Variants in DNAJC1 observed in about 807,000 individuals in gnomAD.
DNAJC1 encodes the protein dnaJ homolog subfamily C member 1.
Under a neutral mutation model 76.6 loss-of-function variants are expected in DNAJC1, and 58 were observed. The observed-to-expected ratio is 0.76, with a 90% CI of 0.61 to 0.94. DNAJC1 has a LOEUF of 0.94. Ranked by LOEUF, DNAJC1 falls within the 40% of genes least tolerant of loss-of-function variation. The probability of loss-of-function intolerance (pLI) is 0.00; values close to 1 mark genes in which losing one functional copy is unlikely to be tolerated. For missense variants in DNAJC1, 689 were observed against 677.3 expected, an observed-to-expected ratio of 1.02 and a Z score of -0.19; for synonymous variants, 258 against 267.9, an observed-to-expected ratio of 0.96 and a Z score of 0.36.
At chr10:21,974,897 T>C (rs1838037742) in intron 1 of DNAJC1, among the ~76,000 whole-genome samples, 1 of 152,132 alleles carries the variant, frequency 6.6e-6, no homozygotes, top group Admixed American at 6.6e-5. Flanking sequence ...GTAATATGTA[T>C]ACATCTTAAA....
intron 1 of DNAJC1, among the ~76,000 whole-genome samples, chr10:21,986,940 G>A (rs1838257529): frequency 6.6e-6 from 1 of 151,930 alleles, no homozygotes; most frequent in African/African-American, 2.4e-5. Flanking sequence ...ACAATTTTTT[G>A]TATTTTTAGT....
At chr10:21,835,883 C>A (rs538666418) in intron 8 of DNAJC1, among the ~76,000 whole-genome samples, 1 of 152,288 alleles carries the variant, frequency 6.6e-6, no homozygotes, top group East Asian at 1.9e-4. Context: ...GAGAATGGAA[C>A]CAAGTTGGAA....
At chr10:21,875,489 A>C (rs1458259799) in intron 8 of DNAJC1, among the ~76,000 whole-genome samples, 2 of 152,234 alleles carry the variant, frequency 1.3e-5, no homozygotes, top group African/African-American at 4.8e-5. Flanking sequence ...TGATGAAATA[A>C]AGATTTTCAG....
At chr10:21,842,991 T>A (rs570235450) in intron 8 of DNAJC1, among the ~76,000 whole-genome samples, 1 of 152,218 alleles carries the variant, frequency 6.6e-6, no homozygotes, top group Non-Finnish European at 1.5e-5. Flanking sequence ...GTTGAATAAA[T>A]AAAAAGCAGC....
intron 6 of DNAJC1, among the ~76,000 whole-genome samples, chr10:21,914,005 T>G (rs994721415): frequency 6.6e-6 from 1 of 152,188 alleles, no homozygotes; most frequent in Non-Finnish European, 1.5e-5. Flanking sequence ...CTCTCATCTC[T>G]CTAAACACAC....
chr10:21,813,933 C>T (rs1835032753), intron 8 of DNAJC1, among the ~76,000 whole-genome samples: 1 of 152,178 alleles, frequency 6.6e-6, no homozygotes, highest in Non-Finnish European at 1.5e-5. Flanking sequence ...ATAAACTGCC[C>T]TTTGTCTCTG....
At chr10:21,956,361 A>C (rs1448331514) in intron 1 of DNAJC1, among the ~76,000 whole-genome samples, 1 of 152,166 alleles carries the variant, frequency 6.6e-6, no homozygotes, top group African/African-American at 2.4e-5. Flanking sequence ...TTTCCAACAC[A>C]TAAACTTTCG....
chr10:21,826,792 G>C (rs951245551), intron 8 of DNAJC1, among the ~76,000 whole-genome samples: 7 of 152,116 alleles, frequency 4.6e-5, no homozygotes, highest in Non-Finnish European at 1.5e-5. Context: ...TGGTAGCCTT[G>C]TTGAACATGT....
intron 9 of DNAJC1, chr10:21,803,751 G>A: frequency 9.0e-6 from 7 of 776,148 alleles, no homozygotes; most frequent in Non-Finnish European, 1.1e-5. Flanking sequence ...TATATATATT[G>A]ACATAGAAGA....
At chr10:21,876,003 G>C (rs986359520) in intron 8 of DNAJC1, among the ~76,000 whole-genome samples, 3 of 151,738 alleles carry the variant, frequency 2.0e-5, no homozygotes, top group African/African-American at 7.3e-5. Flanking sequence ...ATTAGAAAGT[G>C]AAATTTGAGA....
chr10:21,810,729 C>T (rs1420999024), intron 8 of DNAJC1, among the ~76,000 whole-genome samples: 1 of 152,110 alleles, frequency 6.6e-6, no homozygotes, highest in Non-Finnish European at 1.5e-5. Context: ...ACTGCCTGTC[C>T]ATTTAACAGC....
chr10:21,956,817 A>G (rs918772356), intron 1 of DNAJC1, among the ~76,000 whole-genome samples: 2 of 87,606 alleles, frequency 2.3e-5, no homozygotes. Flanking sequence ...CAGTTTATAC[A>G]TAACACACAC....
intron 9 of DNAJC1, among the ~76,000 whole-genome samples, chr10:21,774,719 C>G (rs925231354): frequency 2.0e-5 from 3 of 152,154 alleles, no homozygotes; most frequent in Non-Finnish European, 4.4e-5. Flanking sequence ...CCTCGTGATC[C>G]GCCTGCCTCA....
chr10:21,815,021 G>C (rs1326550817), intron 8 of DNAJC1, among the ~76,000 whole-genome samples: 1 of 152,130 alleles, frequency 6.6e-6, no homozygotes, highest in Admixed American at 6.6e-5. Context: ...CAGGCAGAGG[G>C]GCAAACTCCA....
intron 8 of DNAJC1, among the ~76,000 whole-genome samples, chr10:21,850,479 G>A (rs1224532458): frequency 6.6e-6 from 1 of 151,150 alleles, no homozygotes. Flanking sequence ...AGAAATAAAT[G>A]GAACGACATC....
intron 8 of DNAJC1, among the ~76,000 whole-genome samples, chr10:21,852,252 T>G (rs1172076151): frequency 1.3e-5 from 2 of 151,932 alleles, no homozygotes; most frequent in African/African-American, 4.8e-5. Context: ...TTCCTTTAAA[T>G]GAAATATTCA....
chr10:21,985,257 T>G (rs1292229554), intron 1 of DNAJC1, among the ~76,000 whole-genome samples: 1 of 151,516 alleles, frequency 6.6e-6, no homozygotes, highest in Non-Finnish European at 1.5e-5. Flanking sequence ...GCTTTTTTTT[T>G]TTTTTTTTTT....
chr10:21,822,513 T>G (rs1242071040), intron 8 of DNAJC1, among the ~76,000 whole-genome samples: 1 of 151,902 alleles, frequency 6.6e-6, no homozygotes, highest in African/African-American at 2.4e-5. Flanking sequence ...TCTAGTCTTA[T>G]GCTCTGTTTT....
At chr10:21,899,768 T>C (rs1836615462) in intron 7 of DNAJC1, among the ~76,000 whole-genome samples, 1 of 152,200 alleles carries the variant, frequency 6.6e-6, no homozygotes, top group Non-Finnish European at 1.5e-5. Flanking sequence ...ATAGGTATCC[T>C]GCATTGCGGG....
Sources: gnomAD v4.1 joint callset for allele counts (sites outside exome capture counted in the v4.1 genomes callset) on GRCh38, gnomAD v4.1.1 for gene constraint, MANE v1.5 for transcripts, NCBI Gene and HGNC (gene_info 2026-07-23, HGNC 2026-07-21) for gene names.